Variants in KRT78 observed in about 807,000 individuals in gnomAD.
The protein encoded by KRT78 is keratin, type II cytoskeletal 78.
In KRT78, 55 loss-of-function variants were observed where a neutral mutation model predicts 51.4. The ratio of observed to expected loss-of-function variants is 1.07; its 90% CI spans 0.86 to 1.34. KRT78 has a LOEUF of 1.34. KRT78 is among the 40% of genes most tolerant of loss of function. The pLI is 0.00. For synonymous variants in KRT78, 291 were observed against 264.3 expected (o/e 1.10, Z -0.98); for missense variants, 652 against 649.4 (o/e 1.00, Z -0.04).
intron 4 of KRT78, chr12:52,845,968 C>G: frequency 2.0e-6 from 1 of 498,606 alleles, no homozygotes; most frequent in Non-Finnish European, 3.5e-6. Flanking sequence ...AAAAAAAAAG[C>G]AATTTTTTTA....
intron 2 of KRT78, among the ~76,000 whole-genome samples, chr12:52,847,288 A>G (rs1372104478): frequency 1.3e-5 from 2 of 152,066 alleles, no homozygotes; most frequent in African/African-American, 2.4e-5. Flanking sequence ...GGCAGGTGAC[A>G]TTTCCCAAGT....
Position 52,848,901 on chromosome 12 carries a change from C to T in KRT78, c.30G>A (p.Arg10=), listed in dbSNP as rs2253800. The T allele has an allele frequency of 6.8e-4, 1,067 of 1,580,514 alleles. 7 individuals carry two copies. In the African/African-American group the frequency reaches 0.013, roughly 19 times the overall value. Residue 10 remains arginine, a synonymous_variant, in exon 1 of 9, where the codon AGG becomes AGA. Coordinates refer to ENST00000304620, the MANE Select transcript of KRT78 (RefSeq NM_173352.4). The part of the protein sequence containing the change: MSLSPCRAQ[R]GFSARSACSA... ...AACAGGCTGAGCGAGCGCTGAAGCC[C>T]CTCTGGGCCCGGCATGGGGAGAGAG... is the stretch of plus-strand genomic sequence containing the variant.
rs1409642054 is a variant in KRT78 at position 52,839,996 on chromosome 12, G to A, written c.1048-12C>T. On this transcript the variant is annotated splice_polypyrimidine_tract_variant and intron_variant, in intron 6 of 8. Coordinates refer to ENST00000304620, the MANE Select transcript of KRT78 (RefSeq NM_173352.4). ...TGCAGGCTGGCGTTCTGGAAGCGGGGTAGAAATGAGCGAGAAGGTGGTTGT... is the reference window on the plus strand; with the variant it reads ...TGCAGGCTGGCGTTCTGGAAGCGGGATAGAAATGAGCGAGAAGGTGGTTGT... 2.5e-6 allele frequency: 4 copies of A among 1,602,750 alleles called. No individual in the cohort carries two copies. Among genetic ancestry groups the A allele is most frequent in the Non-Finnish European group, 3.4e-6 (4 of 1,170,636 alleles).
chr12:52,840,441 G>A (rs1001732508), intron 6 of KRT78, among the ~76,000 whole-genome samples: 7 of 152,036 alleles, frequency 4.6e-5, no homozygotes, highest in Admixed American at 3.3e-4. Context: ...GGTGGCTCAC[G>A]CCTGTAATCC....
rs1940713267 is a variant in KRT78, at chr12:52,848,830, C to T, written c.101G>A (p.Gly34Asp). Reference protein sequence around the residue: ...GRSRGGFSSRGGFSSRSLNSF... With the variant: ...GRSRGGFSSRDGFSSRSLNSF... The stretch of plus-strand genomic sequence containing the variant: ...ATTAAGGCTCCTGCTGCTGAAGCCG[C>T]CCCTGCTGCTGAAGCCTCCCCTGCT... Residue 34 changes from glycine (G) to aspartate (D), a missense_variant, in exon 1 of 9, where the codon GGC becomes GAC. Gly to Asp is a moderately conservative substitution (Grantham distance 94). Coordinates refer to ENST00000304620, the MANE Select transcript of KRT78 (RefSeq NM_173352.4). 2 of 1,608,710 alleles carry T rather than the reference C, an allele frequency of 1.2e-6. No individual in the cohort carries two copies. The highest frequency in any genetic ancestry group is 1.3e-5 in the African/African-American group (1 of 74,786).
chr12:52,846,938 C>A, intron 2 of KRT78, 114 bp from the exon 3 acceptor site: 2 of 737,940 alleles, frequency 2.7e-6, no homozygotes, highest in South Asian at 3.2e-5. Flanking sequence ...TGCCCCCAAA[C>A]AAGACAATAA....
rs7306513 is a variant in KRT78 at position 52,847,237 on chromosome 12, C to A, written c.600-413G>T. Among the ~76,000 whole-genome samples, 286 of 152,182 alleles carry A rather than the reference C, an allele frequency of 1.9e-3. 1 individual carries two copies. Among genetic ancestry groups the A allele is most frequent in the African/African-American group, 6.7e-3 (276 of 41,460 alleles). ...TCCTTCCAGAACCTTCCTTCCTCCA[C>A]CTCACATCCCATTATCCCAATAGCC... On this transcript the variant is annotated intron_variant, in intron 2 of 8. Transcript: ENST00000304620.
At chr12:52,839,698 C>T in intron 7 of KRT78, 66 bp downstream of exon 7, 3 of 1,482,492 alleles carry the variant, frequency 2.0e-6, no homozygotes, top group South Asian at 1.1e-5. Flanking sequence ...GCAAGCAGCT[C>T]ACTGTGTTGG....
chr12:52,848,570 G>A lies in KRT78; in HGVS notation c.361C>T (p.Gln121Ter). The A allele has an allele frequency of 6.2e-7, 1 of 1,614,080 alleles. No homozygotes were observed. The highest frequency in any genetic ancestry group is 8.5e-7 in the Non-Finnish European group (1 of 1,179,956). Reference sequence around the variant, plus strand: ...ACCTTGTCAATGAAGGAAGCAAACTGGTTGTTGAGGGTTCTGATCTCCTGG... The same window carrying A: ...ACCTTGTCAATGAAGGAAGCAAACTAGTTGTTGAGGGTTCTGATCTCCTGG... ...ETQEIRTLNNQFASFIDKVRF... is the reference protein window; with the variant it reads ...ETQEIRTLNN The change falls in exon 1 of 9, where the codon CAG becomes TAG. Residue 121 changes from glutamine (Q) to a stop codon, truncating the protein, a stop_gained. Transcript: ENST00000304620. LOFTEE classifies it high-confidence loss of function.
chr12:52,848,087 T>C lies in KRT78; in HGVS notation c.419A>G (p.Glu140Gly), dbSNP rs1565701906. ...TTGCTGCAGCAGATGCCACTTCGTC[T>C]CCAGGACCTTGTTCTGCTGCTCCAG... ...RFLEQQNKVL[E>G]TKWHLLQQQG... The change falls in exon 2 of 9, where the codon GAG becomes GGG. Residue 140 changes from glutamate (E) to glycine (G), a missense_variant. Transcript: ENST00000304620. The C allele has an allele frequency of 1.2e-6, 2 of 1,614,108 alleles. No homozygotes were observed. The highest frequency in any genetic ancestry group is 1.7e-6 in the Non-Finnish European group (2 of 1,180,016).
intron 6 of KRT78, among the ~76,000 whole-genome samples, chr12:52,840,512 C>T (rs1940468835): frequency 1.3e-5 from 2 of 151,986 alleles, no homozygotes; most frequent in South Asian, 2.1e-4. Flanking sequence ...ACAATCCTGG[C>T]TAACACGGTA....
At chr12:52,845,018 CTTCT>C (rs1393326652) in intron 4 of KRT78, among the ~76,000 whole-genome samples, 1 of 150,262 alleles carries the variant, frequency 6.7e-6, no homozygotes, top group African/African-American at 2.4e-5. Context: ...TTTTCTTCTT[CTTCT>C]TTTTTTTTTT....
In KRT78 at chr12:52,848,817, G is replaced by A. The variant is rs777207028; in HGVS notation, c.114C>T (p.Ser38=). The change falls in exon 1 of 9, where the codon AGC becomes AGT. Residue 38 remains serine (S), a synonymous_variant. Coordinates refer to ENST00000304620, the MANE Select transcript of KRT78 (RefSeq NM_173352.4). The part of the protein sequence containing the change: ...GGFSSRGGFS[S]RSLNSFGGCL... ...ACCCCCCAAAGGAATTAAGGCTCCT[G>A]CTGCTGAAGCCGCCCCTGCTGCTGA... 1.2e-6 allele frequency: 2 copies of A among 1,608,100 alleles called. No individual in the cohort carries two copies. The highest frequency in any genetic ancestry group is 1.7e-6 in the Non-Finnish European group (2 of 1,179,728).
Position 52,844,228 on chromosome 12 carries a change from G to C in KRT78, c.922-10C>G. The C allele has an allele frequency of 6.3e-7, 1 of 1,583,104 alleles. No individual in the cohort carries two copies. The highest frequency in any genetic ancestry group is 8.5e-7 in the Non-Finnish European group (1 of 1,170,644). Reference sequence around the variant, plus strand: ...CCTGAAGTTCCTGGTACTGAGAGGGGAACAGAGGGGACACCATTAGTTGAG... The same window carrying C: ...CCTGAAGTTCCTGGTACTGAGAGGGCAACAGAGGGGACACCATTAGTTGAG... On this transcript the variant is annotated splice_polypyrimidine_tract_variant and intron_variant, in intron 5 of 8. Coordinates refer to ENST00000304620, the MANE Select transcript of KRT78 (RefSeq NM_173352.4).
Position 52,844,172 on chromosome 12 carries a change from T to G in KRT78, c.968A>C (p.Gln323Pro). 1 of 1,611,856 alleles carries G rather than the reference T, an allele frequency of 6.2e-7. No individual in the cohort carries two copies. The highest frequency in any genetic ancestry group is 1.1e-5 in the South Asian group (1 of 90,700). ...VSAQLHGDRM[Q>P]ETKVQISQLH... ...CTGAGAGATCTGGACTTTCGTTTCC[T>G]GCATCCTGTCCCCATGAAGCTGGGC... The change falls in exon 6 of 9, where the codon CAG becomes CCG. Residue 323 changes from glutamine to proline, a missense_variant. Physicochemically the swap from Gln to Pro is moderately conservative, Grantham distance 76. Transcript: ENST00000304620.
At position 52,839,976 on chromosome 12, in the gene KRT78, G is replaced by A. The variant is rs1413931745; in HGVS notation, c.1056C>T (p.Ser352=). Residue 352 remains serine (S), a synonymous_variant, in exon 7 of 9, where the codon AGC becomes AGT. Transcript: ENST00000304620. ...QTENLKKQNA[S]LQAAITDAEQ... is the part of the protein sequence containing the mutation. ...CAGCATCAGTGATGGCGGCCTGCAG[G>A]CTGGCGTTCTGGAAGCGGGGTAGAA... is the stretch of plus-strand genomic sequence containing the variant. 3 of 1,612,532 alleles carry A rather than the reference G, an allele frequency of 1.9e-6. No homozygotes were observed. The African/African-American group carries it at 4.0e-5, about 22-fold the overall frequency.
Position 52,839,298 on chromosome 12 carries a change from C to G in KRT78, c.1378G>C (p.Gly460Arg). Reference protein sequence around the residue: ...GLGSTCGLGSGKGSPGSCCTS... With the variant: ...GLGSTCGLGSRKGSPGSCCTS... ...CAGCAGGACCCAGGGCTGCCTTTCC[C>G]ACTACCGAGTCCACAAGTGCTCCCC... The change falls in exon 9 of 9, where the codon GGG becomes CGG. Residue 460 changes from glycine (G) to arginine (R), a missense_variant. Coordinates refer to ENST00000304620, the MANE Select transcript of KRT78 (RefSeq NM_173352.4). 1 of 1,613,586 alleles carries G rather than the reference C, an allele frequency of 6.2e-7. No homozygotes were observed. Among genetic ancestry groups the G allele is most frequent in the Non-Finnish European group, 8.5e-7 (1 of 1,179,758 alleles).
At chr12:52,843,705 AG>A (rs1344634453) in intron 6 of KRT78, among the ~76,000 whole-genome samples, 2 of 150,172 alleles carry the variant, frequency 1.3e-5, no homozygotes, top group East Asian at 1.9e-4. Flanking sequence ...AAAAAAAAAA[AG>A]AAAAAGAAAA....
rs1407718338 is a variant in KRT78 at position 52,839,030 on chromosome 12, C to T, written c.*83G>A. 9 of 1,500,220 alleles carry T rather than the reference C, an allele frequency of 6.0e-6. No individual in the cohort carries two copies. Among genetic ancestry groups the T allele is most frequent in the South Asian group, 2.6e-5 (2 of 78,250 alleles). The allele number at this position is 1,500,220 out of a possible 1,614,324, so 92.9% of individuals were successfully genotyped here. A position where few individuals can be genotyped will look rare whatever the true frequency, so the allele number is the denominator to read the frequency against. ...GTGGGCTGGCTTGGGCTGTGGGCAG[C>T]GGACACGGAGTTGGCCTTGCAGAGC... On this transcript the variant is annotated 3_prime_UTR_variant, in exon 9 of 9. Coordinates refer to ENST00000304620, the MANE Select transcript of KRT78 (RefSeq NM_173352.4).
Sources: allele counts gnomAD v4.1 joint callset (sites outside exome capture counted in the v4.1 genomes callset), GRCh38; gene constraint gnomAD v4.1.1; transcripts MANE v1.5; gene names NCBI Gene and HGNC (gene_info 2026-07-23, HGNC 2026-07-21).